EFHC2: variants seen among roughly 807,000 people sequenced by gnomAD.
EFHC2 encodes the protein EF-hand domain-containing family member C2.
In EFHC2, 18 loss-of-function variants were observed where a neutral mutation model predicts 52.7. The ratio of observed to expected loss-of-function variants is 0.34; its 90% confidence interval spans 0.24 to 0.51. The LOEUF (loss-of-function observed/expected upper bound fraction) is 0.51, where lower values mean the gene tolerates loss of function less well. Among genes scored for constraint, EFHC2 ranks in the 20% least tolerant of loss-of-function variants. EFHC2 has a pLI of 0.97. For synonymous variants in EFHC2, 203 were observed against 204.1 expected (o/e 0.99, Z 0.04); for missense variants, 513 against 562.5 (o/e 0.91, Z 0.89).
At chrX:44,314,977 C>T (rs754285287) in intron 1 of EFHC2, among the ~76,000 whole-genome samples, 2 of 111,450 alleles carry the variant, frequency 1.8e-5, no homozygotes, top group Non-Finnish European at 3.8e-5. Flanking sequence ...CTCTCCAAAT[C>T]TCATGTTGAA....
chrX:44,198,962 T>C (rs1208619725), intron 11 of EFHC2, among the ~76,000 whole-genome samples: 1 of 112,573 alleles, frequency 8.9e-6, no homozygotes, highest in Non-Finnish European at 1.9e-5. Flanking sequence ...AGTTATCTGA[T>C]AGAAATCAAA....
At chrX:44,204,024 C>CAAACAAA (rs1201506926) in intron 11 of EFHC2, among the ~76,000 whole-genome samples, 1 of 110,296 alleles carries the variant, frequency 9.1e-6, no homozygotes, top group Non-Finnish European at 1.9e-5. Context: ...ACTGCACCAC[C>CAAACAAA]AAACAAAAAT....
chrX:44,277,258 CAAAAAAAAAAA>C (rs753856788), intron 2 of EFHC2, among the ~76,000 whole-genome samples: 1 of 21,796 alleles, frequency 4.6e-5, no homozygotes, highest in Admixed American at 5.9e-4. Context: ...GACTCCAGCT[CAAAAAAAAAAA>C]AAAAAAAAAA....
chrX:44,274,704 CATA>C (rs1432403607), intron 2 of EFHC2, among the ~76,000 whole-genome samples: 1 of 110,326 alleles, frequency 9.1e-6, no homozygotes, highest in Non-Finnish European at 1.9e-5. Flanking sequence ...GCCTGGGCAA[CATA>C]ATGAGACCCC....
At chrX:44,321,947 A>C (rs2038023635) in intron 1 of EFHC2, among the ~76,000 whole-genome samples, 1 of 111,955 alleles carries the variant, frequency 8.9e-6, no homozygotes. Context: ...GTCATCTCTT[A>C]AAGTCTTCTC....
chrX:44,159,336 G>C lies in EFHC2; in HGVS notation c.2148+4586C>G, dbSNP rs1166073201. Among the ~76,000 whole-genome samples, 3 of 111,718 alleles carry C rather than the reference G, an allele frequency of 2.7e-5. No homozygotes were observed. In the Admixed American group the frequency reaches 2.8e-4, roughly 11 times the overall value. ...TAATAACATTTGAGCACACTTACAT[G>C]GGTCAGTAGATATTATACTTTTTGC... On this transcript the variant is annotated intron_variant, in intron 14 of 14. Transcript: ENST00000420999.
chrX:44,268,055 T>C (rs866260038), intron 3 of EFHC2, among the ~76,000 whole-genome samples: 52 of 112,087 alleles, frequency 4.6e-4, no homozygotes, highest in African/African-American at 1.6e-3. Flanking sequence ...ACAAATTCAA[T>C]GTCATTACGC....
chrX:44,293,006 G>A (rs770238544), intron 2 of EFHC2, among the ~76,000 whole-genome samples: 2 of 96,378 alleles, frequency 2.1e-5, no homozygotes, highest in East Asian at 6.4e-4. Flanking sequence ...ACAGAGTGTC[G>A]CTCTGTCGCC....
At chrX:44,168,489 G>A (rs973522588) in intron 13 of EFHC2, among the ~76,000 whole-genome samples, 6 of 108,431 alleles carry the variant, frequency 5.5e-5, no homozygotes, top group East Asian at 5.8e-4. Context: ...CCGAGATTGC[G>A]CCACTACACT....
intron 2 of EFHC2, among the ~76,000 whole-genome samples, chrX:44,310,812 T>C (rs1325223817): frequency 8.9e-6 from 1 of 112,010 alleles, no homozygotes; most frequent in African/African-American, 3.2e-5. Flanking sequence ...ACTCAAGTAG[T>C]CTGAAGCTAA....
chrX:44,283,373 G>C (rs933483751), intron 2 of EFHC2, among the ~76,000 whole-genome samples: 1 of 110,655 alleles, frequency 9.0e-6, no homozygotes, highest in Admixed American at 9.6e-5. Flanking sequence ...TAGTAGAGAC[G>C]GGGTTTCACC....
intron 3 of EFHC2, among the ~76,000 whole-genome samples, chrX:44,262,512 CAAAAAAAAAAA>C (rs749239313): frequency 1.4e-4 from 4 of 29,209 alleles, no homozygotes; most frequent in East Asian, 1.4e-3. Context: ...AGCCCTGTCT[CAAAAAAAAAAA>C]AAAAAAAAAA....
At chrX:44,234,676 T>C in intron 9 of EFHC2, among the ~76,000 whole-genome samples, 1 of 112,088 alleles carries the variant, frequency 8.9e-6, no homozygotes. Flanking sequence ...TCTTCAGCAC[T>C]GATAAAAGTT....
chrX:44,309,731 C>T (rs1211493693), intron 2 of EFHC2: 1 of 983,570 alleles, frequency 1.0e-6, no homozygotes, highest in Non-Finnish European at 1.4e-6. Context: ...GGCATCGGTC[C>T]TCGTTTCTTG....
intron 2 of EFHC2, among the ~76,000 whole-genome samples, chrX:44,293,749 CCAA>C (rs2037809045): frequency 1.8e-5 from 2 of 111,663 alleles, no homozygotes; most frequent in African/African-American, 6.5e-5. Flanking sequence ...AGTGGTCACT[CCAA>C]CACCATACTC....
intron 10 of EFHC2, among the ~76,000 whole-genome samples, chrX:44,230,484 C>A (rs767515973): frequency 5.4e-5 from 6 of 111,625 alleles, no homozygotes; most frequent in Non-Finnish European, 5.6e-5. Context: ...GGTGGTTTGG[C>A]ACCTATCGCA....
chrX:44,200,246 A>G (rs775493259), intron 11 of EFHC2, among the ~76,000 whole-genome samples: 8 of 111,789 alleles, frequency 7.2e-5, no homozygotes, highest in Non-Finnish European at 1.1e-4. Flanking sequence ...CAAGCAACAA[A>G]GGAACAATGA....
intron 2 of EFHC2, among the ~76,000 whole-genome samples, chrX:44,298,373 T>C (rs2037842538): frequency 9.0e-6 from 1 of 111,678 alleles, no homozygotes; most frequent in South Asian, 3.7e-4. Flanking sequence ...CACCATAAGA[T>C]TCCGTTTATC....
At chrX:44,320,408 C>G (rs2038010923) in intron 1 of EFHC2, among the ~76,000 whole-genome samples, 1 of 112,099 alleles carries the variant, frequency 8.9e-6, no homozygotes, top group Non-Finnish European at 1.9e-5. Context: ...GCAGGCATAA[C>G]AAAAGGGCTG....
Sources: allele counts gnomAD v4.1 joint callset (sites outside exome capture counted in the v4.1 genomes callset), GRCh38; gene constraint gnomAD v4.1.1; transcripts MANE v1.5; gene names NCBI Gene and HGNC (gene_info 2026-07-23, HGNC 2026-07-21).